MS4A18: variants seen among roughly 807,000 people sequenced by gnomAD.
MS4A18 encodes membrane spanning 4-domains A18, also known as membrane-spanning 4-domains subfamily A member 18.
In MS4A18, 27 loss-of-function variants were observed where a neutral mutation model predicts 13.1. That is an observed-to-expected ratio of 2.06 (90% CI 1.52 to 2.84). MS4A18 has a LOEUF of 2.84. Among genes scored for constraint, MS4A18 ranks in the 30% most tolerant of loss-of-function variants. MS4A18 has a pLI of 0.00. For missense variants in MS4A18, 307 were observed against 196.4 expected (o/e 1.56, Z -3.37); for synonymous variants, 126 against 76.5 (o/e 1.65, Z -3.38).
At chr11:60,726,651 G>A (rs1853165314), upstream of MS4A18, among the ~76,000 whole-genome samples, 4 of 152,122 alleles carry the variant, frequency 2.6e-5, no homozygotes, top group South Asian at 6.2e-4. Flanking sequence ...AAATCTAATA[G>A]TTTGGGGTCA....
chr11:60,735,374 C>A (rs1209629678), intron 2 of MS4A18, among the ~76,000 whole-genome samples: 18 of 150,298 alleles, frequency 1.2e-4, no homozygotes, highest in Non-Finnish European at 2.4e-4. Context: ...CGCTCTGTCG[C>A]CCAGGCTGGA....
chr11:60,732,520 G>A (rs1397765114), intron 1 of MS4A18, among the ~76,000 whole-genome samples: 1 of 151,888 alleles, frequency 6.6e-6, no homozygotes, highest in Admixed American at 6.6e-5. Flanking sequence ...ACGAGGTCAG[G>A]AGATCGAGAC....
intron 1 of MS4A18, among the ~76,000 whole-genome samples, chr11:60,732,354 T>G (rs914034880): frequency 1.3e-5 from 2 of 152,014 alleles, no homozygotes; most frequent in African/African-American, 2.4e-5. Context: ...CAAGGGGAAC[T>G]GTGGGGACGT....
chr11:60,739,086 A>G, intron 4 of MS4A18, 89 bp downstream of exon 5: 1 of 670,622 alleles, frequency 1.5e-6, no homozygotes, highest in Non-Finnish European at 2.7e-6. Flanking sequence ...GAATTGCCCC[A>G]GAATTCCATC....
At chr11:60,738,488 G>A (rs1001271821) in intron 3 of MS4A18, among the ~76,000 whole-genome samples, 2 of 152,034 alleles carry the variant, frequency 1.3e-5, no homozygotes, top group Non-Finnish European at 2.9e-5. Flanking sequence ...CTGCTGCTTC[G>A]AAAGAAATTT....
At chr11:60,730,393 G>A (rs1272135204) in intron 1 of MS4A18, among the ~76,000 whole-genome samples, 1 of 152,176 alleles carries the variant, frequency 6.6e-6, no homozygotes, top group Non-Finnish European at 1.5e-5. Flanking sequence ...TTAGTATGGA[G>A]ACTGGCGTGT....
At chr11:60,744,168 T>C (rs769389840) in exon 6 of MS4A18, 12 of 583,774 alleles carry the variant, frequency 2.1e-5, no homozygotes, top group Admixed American at 1.2e-4. Flanking sequence ...TCATTTTTGT[T>C]TGTTATTGAT....
At chr11:60,736,793 A>C (rs890832517) in intron 2 of MS4A18, among the ~76,000 whole-genome samples, 185 bp from the exon 4 acceptor site, 2 of 152,208 alleles carry the variant, frequency 1.3e-5, no homozygotes, top group Admixed American at 1.3e-4. Flanking sequence ...CACGGTATTT[A>C]GTATATTTGG....
At chr11:60,732,704 C>A (rs919056026) in intron 1 of MS4A18, among the ~76,000 whole-genome samples, 1 of 142,876 alleles carries the variant, frequency 7.0e-6, no homozygotes, top group Non-Finnish European at 1.5e-5. Flanking sequence ...GCACTCCAGC[C>A]TGGGCGACAG....
chr11:60,736,529 G>T (rs1043506881), intron 2 of MS4A18, among the ~76,000 whole-genome samples: 3 of 152,092 alleles, frequency 2.0e-5, no homozygotes, highest in Non-Finnish European at 2.9e-5. Flanking sequence ...CACAGCCCAG[G>T]TCTCCTATCT....
upstream of MS4A18, among the ~76,000 whole-genome samples, chr11:60,728,503 G>C (rs1853199621): frequency 6.7e-6 from 1 of 149,724 alleles, no homozygotes. Flanking sequence ...CCCTCTCTCT[G>C]TGTGTGTGTA....
chr11:60,743,463 T>G (rs569232304), intron 5 of MS4A18, among the ~76,000 whole-genome samples, 187 bp from the exon 7 acceptor site: 3 of 152,294 alleles, frequency 2.0e-5, no homozygotes, highest in Admixed American at 6.5e-5. Context: ...CAAGCTCCAA[T>G]GGGCAGACAC....
upstream of MS4A18, among the ~76,000 whole-genome samples, chr11:60,727,205 C>T (rs1272113543): frequency 1.3e-5 from 2 of 152,120 alleles, no homozygotes; most frequent in African/African-American, 4.8e-5. Context: ...TAAACAATGG[C>T]CCTTCTCTTA....
upstream of MS4A18, among the ~76,000 whole-genome samples, chr11:60,728,861 T>C (rs556002226): frequency 1.3e-5 from 2 of 152,240 alleles, no homozygotes; most frequent in South Asian, 4.1e-4. Context: ...TAGCCTCCCA[T>C]CCCACAGTAG....
upstream of MS4A18, among the ~76,000 whole-genome samples, chr11:60,725,796 T>G (rs1257562461): frequency 1.3e-5 from 2 of 152,202 alleles, no homozygotes; most frequent in Non-Finnish European, 1.5e-5. Context: ...TTAACCTCTC[T>G]GAGCCTCAGA....
chr11:60,738,821 C>G, intron 3 of MS4A18, 81 bp from the exon 5 acceptor site: 1 of 666,644 alleles, frequency 1.5e-6, no homozygotes, highest in Admixed American at 2.3e-5. Flanking sequence ...CTCTCTTCTC[C>G]GACTTCCCAA....
downstream of MS4A18, among the ~76,000 whole-genome samples, chr11:60,744,567 G>A (rs1853459627): frequency 6.6e-6 from 1 of 152,142 alleles, no homozygotes; most frequent in African/African-American, 2.4e-5. Context: ...GAAAGATCTT[G>A]CTAAGATAAA....
chr11:60,738,860 T>C (rs1298540040), intron 3 of MS4A18, 42 bp from the exon 5 acceptor site: 1 of 701,468 alleles, frequency 1.4e-6, no homozygotes, highest in Non-Finnish European at 2.6e-6. Flanking sequence ...CTTCAGACTC[T>C]TCAGACTCGG....
At chr11:60,740,215 C>G (rs189659385) in intron 4 of MS4A18, among the ~76,000 whole-genome samples, 1 of 152,186 alleles carries the variant, frequency 6.6e-6, no homozygotes, top group South Asian at 2.1e-4. Flanking sequence ...TGTAGCACAA[C>G]GGCACTGGAT....
Sources: gnomAD v4.1 joint callset for allele counts (sites outside exome capture counted in the v4.1 genomes callset) on GRCh38, gnomAD v4.1.1 for gene constraint, MANE v1.5 for transcripts, NCBI Gene and HGNC (gene_info 2026-07-23, HGNC 2026-07-21) for gene names.